The following DPP10 variants were observed in gnomAD, a reference collection of about 807,000 sequenced individuals.
The protein encoded by DPP10 is dipeptidyl peptidase like 10.
In DPP10, 33 loss-of-function variants were observed where a neutral mutation model predicts 120.9. That is an observed-to-expected ratio of 0.27 (90% CI 0.21 to 0.37). The LOEUF (loss-of-function observed/expected upper bound fraction) is 0.37, where lower values mean the gene tolerates loss of function less well. Ranked by LOEUF, DPP10 falls within the 10% of genes least tolerant of loss-of-function variation. The probability of loss-of-function intolerance (pLI) is 1.00; values close to 1 mark genes in which losing one functional copy is unlikely to be tolerated. For missense variants in DPP10, 816 were observed against 942.8 expected (o/e 0.87, Z 1.76); for synonymous variants, 337 against 326.1 (o/e 1.03, Z -0.36).
chr2:115,343,058 T>C (rs2063527968), intron 2 of DPP10, among the ~76,000 whole-genome samples: 1 of 152,156 alleles, frequency 6.6e-6, no homozygotes, highest in Non-Finnish European at 1.5e-5. Context: ...AAATAAACAA[T>C]GTTATTATTT....
chr2:114,640,925 T>C (rs953414915), intron 1 of DPP10, among the ~76,000 whole-genome samples: 1 of 151,922 alleles, frequency 6.6e-6, no homozygotes, highest in African/African-American at 2.4e-5. Context: ...TGAAGGAGTC[T>C]GCATTCAACT....
intron 1 of DPP10, among the ~76,000 whole-genome samples, chr2:114,836,709 C>T (rs116387962): frequency 0.011 from 1,680 of 152,128 alleles, 31 homozygotes; most frequent in African/African-American, 0.038. Flanking sequence ...ATGTATTAGG[C>T]GGGAATTTCC....
chr2:114,494,389 G>T (rs1558810798), intron 1 of DPP10, among the ~76,000 whole-genome samples: 1 of 152,126 alleles, frequency 6.6e-6, no homozygotes, highest in African/African-American at 2.4e-5. Flanking sequence ...GCTTCACTGA[G>T]GAGATGAAAC....
intron 1 of DPP10, among the ~76,000 whole-genome samples, chr2:115,248,238 C>T (rs927812570): frequency 2.0e-5 from 3 of 152,106 alleles, no homozygotes; most frequent in Non-Finnish European, 4.4e-5. Context: ...ATGCAATTCT[C>T]CCTCTCTCTA....
At chr2:114,679,732 G>C (rs375086573) in intron 1 of DPP10, among the ~76,000 whole-genome samples, 3 of 151,906 alleles carry the variant, frequency 2.0e-5, no homozygotes, top group Admixed American at 6.6e-5. Context: ...ATACATTTTT[G>C]AGAAGGATTT....
At chr2:115,104,915 A>C (rs1009825374) in intron 1 of DPP10, among the ~76,000 whole-genome samples, 9 of 152,034 alleles carry the variant, frequency 5.9e-5, no homozygotes, top group African/African-American at 2.2e-4. Flanking sequence ...CTGAGGCAGG[A>C]GAATTGCTTG....
chr2:115,079,431 C>A (rs17686252), intron 1 of DPP10, among the ~76,000 whole-genome samples: 39,766 of 151,738 alleles, frequency 0.26, 5,661 homozygotes, highest in Non-Finnish European at 0.31. Flanking sequence ...GGATGACAGA[C>A]AAACTAGGAC....
chr2:115,720,160 G>A (rs564264191), intron 7 of DPP10, among the ~76,000 whole-genome samples: 1 of 152,270 alleles, frequency 6.6e-6, no homozygotes, highest in Admixed American at 6.5e-5. Context: ...AGCAGTGCAC[G>A]AGGGTTCCAA....
intron 5 of DPP10, among the ~76,000 whole-genome samples, chr2:115,585,410 G>A (rs1260877706): frequency 6.6e-6 from 1 of 152,032 alleles, no homozygotes; most frequent in African/African-American, 2.4e-5. Context: ...ATAAAAGTAG[G>A]TTTTATTTAG....
chr2:115,371,002 A>AT (rs2065373402), intron 3 of DPP10, among the ~76,000 whole-genome samples: 1 of 152,158 alleles, frequency 6.6e-6, no homozygotes, highest in Non-Finnish European at 1.5e-5. Context: ...GGCCTTTGTT[A>AT]TTGAAAACAT....
intron 4 of DPP10, among the ~76,000 whole-genome samples, chr2:115,518,326 G>T (rs1343541076): frequency 6.6e-6 from 1 of 151,980 alleles, no homozygotes; most frequent in Admixed American, 6.6e-5. Flanking sequence ...TTTTTTATTT[G>T]TTAACCTATG....
At chr2:115,250,221 G>A (rs536428317) in intron 1 of DPP10, among the ~76,000 whole-genome samples, 109 of 152,176 alleles carry the variant, frequency 7.2e-4, no homozygotes, top group Admixed American at 2.0e-3. Context: ...ATTGTTTAAT[G>A]ATTTTGTAAA....
chr2:115,538,782 C>T (rs191601131), intron 5 of DPP10, among the ~76,000 whole-genome samples: 196 of 152,056 alleles, frequency 1.3e-3, no homozygotes, highest in African/African-American at 4.5e-3. Context: ...TGTGCCAATA[C>T]TGCAGTCACC....
At chr2:115,026,561 ACT>A (rs1703474955) in intron 1 of DPP10, among the ~76,000 whole-genome samples, 2 of 151,646 alleles carry the variant, frequency 1.3e-5, no homozygotes, top group South Asian at 4.2e-4. Context: ...TTTGAGACAG[ACT>A]CTCACTCTGT....
At chr2:114,687,026 G>A (rs1699417108) in intron 1 of DPP10, among the ~76,000 whole-genome samples, 2 of 151,860 alleles carry the variant, frequency 1.3e-5, no homozygotes, top group Non-Finnish European at 2.9e-5. Context: ...TCTCAGACAT[G>A]CATTATACAA....
At chr2:115,567,782 G>A (rs1358307933) in intron 5 of DPP10, among the ~76,000 whole-genome samples, 1 of 152,196 alleles carries the variant, frequency 6.6e-6, no homozygotes, top group Non-Finnish European at 1.5e-5. Context: ...CCTTATAAAT[G>A]TTGGACCAAT....
chr2:114,493,173 G>A (rs1342584328), intron 1 of DPP10, among the ~76,000 whole-genome samples: 7 of 152,156 alleles, frequency 4.6e-5, no homozygotes, highest in African/African-American at 1.7e-4. Context: ...AGCAAAGTGT[G>A]GTGGTGAGCA....
chr2:114,898,998 T>A (rs1424196399), intron 1 of DPP10, among the ~76,000 whole-genome samples: 1 of 152,054 alleles, frequency 6.6e-6, no homozygotes, highest in Non-Finnish European at 1.5e-5. Flanking sequence ...GGGAATCTCA[T>A]CTAATTTATT....
intron 1 of DPP10, among the ~76,000 whole-genome samples, chr2:114,817,783 G>T (rs939760460): frequency 1.3e-5 from 2 of 152,182 alleles, no homozygotes; most frequent in Admixed American, 6.5e-5. Context: ...TGATAAGAGA[G>T]ATTGCATTTT....
Sources: allele counts gnomAD v4.1 joint callset (sites outside exome capture counted in the v4.1 genomes callset), GRCh38; gene constraint gnomAD v4.1.1; transcripts MANE v1.5; gene names NCBI Gene and HGNC (gene_info 2026-07-23, HGNC 2026-07-21).